The following PDE1A variants were observed in gnomAD, a reference collection of about 807,000 sequenced individuals.
PDE1A encodes phosphodiesterase 1A.
In PDE1A, 35 loss-of-function variants were observed where a neutral mutation model predicts 61.7. The observed-to-expected ratio is 0.57, with a 90% CI of 0.43 to 0.75. The LOEUF (loss-of-function observed/expected upper bound fraction) is 0.75, where lower values mean the gene tolerates loss of function less well. Ranked by LOEUF, PDE1A falls within the 30% of genes least tolerant of loss-of-function variation. The probability of loss-of-function intolerance (pLI) is 0.00; values close to 1 mark genes in which losing one functional copy is unlikely to be tolerated. For synonymous variants in PDE1A, 232 were observed against 213.2 expected, an observed-to-expected ratio of 1.09 and a Z score of -0.77; for missense variants, 597 against 630.6, an observed-to-expected ratio of 0.95 and a Z score of 0.57.
chr2:182,527,530 C>T (rs543861816), upstream of PDE1A, among the ~76,000 whole-genome samples: 17 of 149,416 alleles, frequency 1.1e-4, no homozygotes, highest in South Asian at 3.6e-3. Context: ...TGCACTCCAG[C>T]ATGGGTGACA....
chr2:182,348,165 C>A (rs1246671739), intron 1 of PDE1A, among the ~76,000 whole-genome samples: 9 of 152,140 alleles, frequency 5.9e-5, no homozygotes, highest in Non-Finnish European at 1.2e-4. Context: ...TAATGTATCC[C>A]TTAAATTAAG....
At chr2:182,319,527 G>C (rs1574339649) in intron 1 of PDE1A, among the ~76,000 whole-genome samples, 1 of 152,090 alleles carries the variant, frequency 6.6e-6, no homozygotes, top group African/African-American at 2.4e-5. Context: ...TACTTTGCTT[G>C]AACAATTAGC....
intron 2 of PDE1A, among the ~76,000 whole-genome samples, chr2:182,521,890 CAGAG>C (rs1690591134): frequency 6.6e-6 from 1 of 152,076 alleles, no homozygotes; most frequent in Non-Finnish European, 1.5e-5. Flanking sequence ...AATCTAATCA[CAGAG>C]AAAGAAGTAT....
the PDE1A span, among the ~76,000 whole-genome samples, chr2:182,701,014 T>C: frequency 7.0e-6 from 1 of 143,204 alleles, no homozygotes; most frequent in Non-Finnish European, 1.6e-5. Flanking sequence ...TCTGTTTACT[T>C]CCTGACTTTC....
At chr2:182,310,401 C>T (rs1013855051) in intron 1 of PDE1A, among the ~76,000 whole-genome samples, 1 of 151,984 alleles carries the variant, frequency 6.6e-6, no homozygotes, top group Non-Finnish European at 1.5e-5. Flanking sequence ...AAACTTTGAA[C>T]GTTGAAGGGA....
chr2:182,658,174 C>A, the PDE1A span, among the ~76,000 whole-genome samples: 1 of 150,598 alleles, frequency 6.6e-6, no homozygotes, highest in Admixed American at 6.6e-5. Context: ...GAAAAATATT[C>A]TCCCATTTCT....
At chr2:182,701,036 TTTG>T in the PDE1A span, among the ~76,000 whole-genome samples, 66,627 of 151,448 alleles carry the variant, frequency 0.44, 17,040 homozygotes, top group Non-Finnish European at 0.56. Context: ...GTTTTTTGTT[TTTG>T]TTGTTGTTGT....
chr2:182,660,439 A>G, the PDE1A span, among the ~76,000 whole-genome samples: 1 of 152,186 alleles, frequency 6.6e-6, no homozygotes, highest in African/African-American at 2.4e-5. Context: ...TGTGGGGAGA[A>G]CCTATGAATA....
intron 2 of PDE1A, among the ~76,000 whole-genome samples, chr2:182,262,306 C>T (rs1357741583): frequency 6.6e-6 from 1 of 151,512 alleles, no homozygotes; most frequent in African/African-American, 2.4e-5. Flanking sequence ...CACTCTGTCA[C>T]CCAGATTGGA....
At chr2:182,259,783 A>C (rs1369355733) in intron 2 of PDE1A, among the ~76,000 whole-genome samples, 1 of 152,214 alleles carries the variant, frequency 6.6e-6, no homozygotes, top group Non-Finnish European at 1.5e-5. Flanking sequence ...TTGAAAGTAT[A>C]TCTCTCAGGC....
chr2:182,470,514 G>T (rs918127939), intron 2 of PDE1A, among the ~76,000 whole-genome samples: 1 of 151,812 alleles, frequency 6.6e-6, no homozygotes, highest in African/African-American at 2.4e-5. Flanking sequence ...GGAACTTATA[G>T]TTTAGTAAGA....
chr2:182,527,066 C>A (rs1305547596), upstream of PDE1A, among the ~76,000 whole-genome samples: 1 of 148,254 alleles, frequency 6.7e-6, no homozygotes, highest in East Asian at 2.0e-4. Context: ...TTTTAAAGGA[C>A]CATTCAGGAA....
At chr2:182,490,633 A>G (rs1218492244) in intron 2 of PDE1A, among the ~76,000 whole-genome samples, 2 of 152,034 alleles carry the variant, frequency 1.3e-5, no homozygotes, top group Admixed American at 6.6e-5. Flanking sequence ...TGGGCCTCCC[A>G]AAGTGCTGGG....
rs566491397 is a variant in PDE1A at position 182,422,594 on chromosome 2, G to A, written c.53+3984C>T. 2.1e-4 allele frequency among the ~76,000 whole-genome samples: 32 copies of A among 152,236 alleles called. 1 individual carries two copies. The highest frequency in any genetic ancestry group is 7.7e-4 in the African/African-American group (32 of 41,544). ...ATAGAAAGTTTACTAAGCAAGATGA[G>A]TATGCAATAAGGTGGAAATGTCTTC... On this transcript the variant is annotated intron_variant, in intron 1 of 13. Coordinates refer to ENST00000351439, the Ensembl canonical transcript of PDE1A.
chr2:182,606,369 G>A, the PDE1A span, among the ~76,000 whole-genome samples: 1 of 152,092 alleles, frequency 6.6e-6, no homozygotes, highest in Admixed American at 6.5e-5. Context: ...TAGTAGAGAC[G>A]GGGTTTCACC....
At chr2:182,638,647 G>A in the PDE1A span, among the ~76,000 whole-genome samples, 2 of 152,150 alleles carry the variant, frequency 1.3e-5, no homozygotes, top group Non-Finnish European at 2.9e-5. Flanking sequence ...TATTTTCAGC[G>A]AAAAACATTA....
At chr2:182,622,199 G>A in the PDE1A span, among the ~76,000 whole-genome samples, 1 of 152,244 alleles carries the variant, frequency 6.6e-6, no homozygotes, top group East Asian at 1.9e-4. Flanking sequence ...TTTTGATATA[G>A]TCCTCTAATC....
the PDE1A span, among the ~76,000 whole-genome samples, chr2:182,577,279 T>C: frequency 6.6e-6 from 1 of 152,188 alleles, no homozygotes; most frequent in Non-Finnish European, 1.5e-5. Context: ...CTATAAGCCA[T>C]GCTGCAGTAC....
chr2:182,498,891 C>T (rs1289176685), intron 2 of PDE1A, among the ~76,000 whole-genome samples: 2 of 151,680 alleles, frequency 1.3e-5, no homozygotes, highest in African/African-American at 4.8e-5. Context: ...TCGCAGTGAG[C>T]GGAAATGCGC....
Sources: gnomAD v4.1 joint callset for allele counts (sites outside exome capture counted in the v4.1 genomes callset) on GRCh38, gnomAD v4.1.1 for gene constraint, MANE v1.5 for transcripts, NCBI Gene and HGNC (gene_info 2026-07-23, HGNC 2026-07-21) for gene names.